ZNF75D: variants seen among roughly 807,000 people sequenced by gnomAD.
ZNF75D encodes the protein zinc finger protein 75.
A neutral mutation model predicts 33.3 loss-of-function variants in ZNF75D; 33 were observed. The observed-to-expected ratio is 0.99, with a 90% CI of 0.75 to 1.32. The LOEUF (loss-of-function observed/expected upper bound fraction) is 1.32, where lower values mean the gene tolerates loss of function less well. ZNF75D is among the 40% of genes most tolerant of loss of function. ZNF75D has a pLI of 0.00. For missense variants in ZNF75D, 338 were observed against 367.5 expected (o/e 0.92, Z 0.66); for synonymous variants, 113 against 130.6 (o/e 0.87, Z 0.92).
chrX:135,270,080 G>T (rs782321602), intron 1 of ZNF75D, among the ~76,000 whole-genome samples: 1 of 109,030 alleles, frequency 9.2e-6, no homozygotes, highest in African/African-American at 3.3e-5. Context: ...ATAGAAGGAT[G>T]GTTGCCAGAG....
intron 1 of ZNF75D, among the ~76,000 whole-genome samples, chrX:135,325,485 G>A (rs1337414928): frequency 2.7e-5 from 3 of 111,403 alleles, no homozygotes; most frequent in Admixed American, 1.9e-4. Flanking sequence ...CCAGGGCTGC[G>A]AGCGGGCTTG....
chrX:135,273,373 C>A (rs1247392145), intron 1 of ZNF75D, among the ~76,000 whole-genome samples: 1 of 111,358 alleles, frequency 9.0e-6, no homozygotes, highest in Non-Finnish European at 1.9e-5. Flanking sequence ...TTTCAGGTAA[C>A]CTAAACCTTC....
At chrX:135,313,871 A>G (rs2084388643) in intron 1 of ZNF75D, among the ~76,000 whole-genome samples, 1 of 112,186 alleles carries the variant, frequency 8.9e-6, no homozygotes, top group African/African-American at 3.2e-5. Context: ...TTTGTTTATC[A>G]GCTCTAAGAG....
intron 1 of ZNF75D, among the ~76,000 whole-genome samples, chrX:135,305,852 A>G (rs1483464075): frequency 8.9e-6 from 1 of 111,811 alleles, no homozygotes; most frequent in Non-Finnish European, 1.9e-5. Context: ...ACAGGTGAGA[A>G]GTTAAGAAAC....
Position 135,291,543 on chromosome X carries a change from A to C in ZNF75D, c.625T>G (p.Leu209Val), listed in dbSNP as rs1300959174. 1 of 1,209,046 alleles carries C rather than the reference A, an allele frequency of 8.3e-7. No individual in the cohort carries two copies. Among genetic ancestry groups the C allele is most frequent in the Non-Finnish European group, 1.1e-6 (1 of 894,006 alleles). Residue 209 changes from leucine (L) to valine (V), a missense_variant, in exon 5 of 7, where the codon TTA becomes GTA. Around this residue, in one of 3 missense-constraint regions of ZNF75D, gnomAD observed 254 missense variants for 267.7 expected, o/e 0.95. Coordinates refer to ENST00000370766, the MANE Select transcript of ZNF75D (RefSeq NM_007131.5). The part of the protein sequence containing the change: ...YERAVHDQQM[L>V]ALSEQKRIKH... ...ATTCTTTTCTGCTCAGAAAGGGCTAACATCTGTTGATCATGCACAGCTGTG... is the reference window on the plus strand; with the variant it reads ...ATTCTTTTCTGCTCAGAAAGGGCTACCATCTGTTGATCATGCACAGCTGTG...
chrX:135,299,244 C>A (rs2084179804), intron 1 of ZNF75D, among the ~76,000 whole-genome samples: 1 of 111,887 alleles, frequency 8.9e-6, no homozygotes, highest in Non-Finnish European at 1.9e-5. Flanking sequence ...TTTTACATTC[C>A]CCCCAGTACT....
chrX:135,320,237 G>T (rs1411213725), intron 1 of ZNF75D, among the ~76,000 whole-genome samples: 1 of 107,472 alleles, frequency 9.3e-6, no homozygotes, highest in African/African-American at 3.4e-5. Flanking sequence ...AAGTTGCAGT[G>T]AGCCAAGATC....
chrX:135,260,933 T>TA (rs1298056119), intron 1 of ZNF75D, among the ~76,000 whole-genome samples: 2 of 112,530 alleles, frequency 1.8e-5, no homozygotes, highest in Non-Finnish European at 3.8e-5. Flanking sequence ...TGTGGGCATT[T>TA]AGTGCTATAA....
intron 1 of ZNF75D, among the ~76,000 whole-genome samples, chrX:135,307,685 T>C (rs1417258111): frequency 9.0e-6 from 1 of 111,548 alleles, no homozygotes; most frequent in Admixed American, 9.4e-5. Context: ...AAGTGTGGAG[T>C]TCCACTGCTC....
chrX:135,341,636 T>C (rs1456775282), intron 1 of ZNF75D, 132 bp downstream of exon 1: 1 of 112,652 alleles, frequency 8.9e-6, no homozygotes, highest in African/African-American at 3.2e-5. Flanking sequence ...AAAACGCAAG[T>C]GGAAGCCACT....
At chrX:135,281,879 C>T (rs1444422848), downstream of ZNF75D, among the ~76,000 whole-genome samples, 1 of 112,237 alleles carries the variant, frequency 8.9e-6, no homozygotes, top group Non-Finnish European at 1.9e-5. Flanking sequence ...CCCAGAGGGG[C>T]ACCTGCCAGA....
downstream of ZNF75D, among the ~76,000 whole-genome samples, chrX:135,283,722 G>A (rs1425657058): frequency 8.9e-6 from 1 of 111,853 alleles, no homozygotes; most frequent in Non-Finnish European, 1.9e-5. Context: ...GGATTGGCCT[G>A]TGGCAGACAG....
intron 1 of ZNF75D, among the ~76,000 whole-genome samples, chrX:135,325,384 G>T (rs1357732941): frequency 9.0e-6 from 1 of 110,873 alleles, no homozygotes; most frequent in African/African-American, 3.3e-5. Flanking sequence ...GCCCACCGCT[G>T]CACTGTGGGA....
intron 1 of ZNF75D, among the ~76,000 whole-genome samples, chrX:135,266,317 CAA>C (rs2083862905): frequency 9.0e-6 from 1 of 111,716 alleles, no homozygotes; most frequent in African/African-American, 3.2e-5. Context: ...ACTCTTCAAT[CAA>C]AAGACATAGA....
At chrX:135,288,873 T>G (rs1334784391) in intron 6 of ZNF75D, among the ~76,000 whole-genome samples, 1 of 112,617 alleles carries the variant, frequency 8.9e-6, no homozygotes, top group Non-Finnish European at 1.9e-5. Context: ...TTTGAAGATA[T>G]AAGCTACGAT....
At chrX:135,326,663 T>C (rs1445329558) in intron 1 of ZNF75D, among the ~76,000 whole-genome samples, 1 of 111,939 alleles carries the variant, frequency 8.9e-6, no homozygotes, top group East Asian at 2.8e-4. Context: ...CCACACTGCT[T>C]TTATGAGCTG....
chrX:135,256,448 C>G (rs782507686), intron 1 of ZNF75D, among the ~76,000 whole-genome samples: 2 of 111,864 alleles, frequency 1.8e-5, no homozygotes, highest in East Asian at 2.8e-4. Flanking sequence ...TTTGGACCAG[C>G]CCTCGCCAGA....
intron 1 of ZNF75D, among the ~76,000 whole-genome samples, chrX:135,303,101 C>G (rs1163363045): frequency 9.0e-6 from 1 of 111,010 alleles, no homozygotes; most frequent in Non-Finnish European, 1.9e-5. Flanking sequence ...TATTGCTGCC[C>G]GCATGTCCCA....
At chrX:135,318,593 A>C (rs1602642404) in intron 1 of ZNF75D, among the ~76,000 whole-genome samples, 1 of 112,045 alleles carries the variant, frequency 8.9e-6, no homozygotes, top group South Asian at 3.7e-4. Context: ...TAATTGGTTT[A>C]ATATATATTC....
Sources: allele counts gnomAD v4.1 joint callset (sites outside exome capture counted in the v4.1 genomes callset), GRCh38; gene constraint gnomAD v4.1.1; regional missense constraint gnomAD v4.1.1; transcripts MANE v1.5; gene names NCBI Gene and HGNC (gene_info 2026-07-23, HGNC 2026-07-21).